ARHGEF10: variants seen among roughly 807,000 people sequenced by gnomAD.
The protein encoded by ARHGEF10 is Rho guanine nucleotide exchange factor 10, also known as Rho guanine nucleotide exchange factor (GEF) 10.
ARHGEF10 carries 140 observed loss-of-function variants against 147.4 expected under a neutral mutation model. That is an observed-to-expected ratio of 0.95 (90% CI 0.83 to 1.09). The LOEUF is 1.09. Ranked by LOEUF, ARHGEF10 falls within the 50% of genes least tolerant of loss-of-function variation. ARHGEF10 has a pLI of 0.00. For synonymous variants in ARHGEF10, 902 were observed against 695.8 expected (o/e 1.30, Z -4.67); for missense variants, 2,222 against 1,752.7 (o/e 1.27, Z -4.78).
intron 10 of ARHGEF10, among the ~76,000 whole-genome samples, chr8:1,884,702 G>C (rs541699222): frequency 4.6e-5 from 7 of 152,272 alleles, no homozygotes; most frequent in African/African-American, 1.4e-4. Flanking sequence ...GTGCTTTTCT[G>C]ATTTCCAGCC....
At chr8:1,905,925 G>A (rs548815235) in intron 17 of ARHGEF10, among the ~76,000 whole-genome samples, 3 of 152,290 alleles carry the variant, frequency 2.0e-5, no homozygotes, top group African/African-American at 4.8e-5. Context: ...GTTAGTAGAA[G>A]TACGTAGAGG....
chr8:1,869,046 GA>G, intron 6 of ARHGEF10, 147 bp from the exon 7 acceptor site: 4 of 732,530 alleles, frequency 5.5e-6, no homozygotes, highest in Non-Finnish European at 4.8e-6. Flanking sequence ...GACAAAGAAC[GA>G]AAAAGTAAAA....
chr8:1,958,029 C>T lies in ARHGEF10; in HGVS notation c.*766C>T, dbSNP rs1178051035. On this transcript the variant is annotated 3_prime_UTR_variant, in exon 29 of 29. Coordinates refer to ENST00000349830, the MANE Select transcript of ARHGEF10 (RefSeq NM_014629.4). ...CAAGCATCAACACCAAATTATTCCT[C>T]CCTTCTCGTATAAATAGAGTGACTA... The T allele has an allele frequency of 2.0e-5, 3 of 152,246 alleles. No individual in the cohort carries two copies. The highest frequency in any genetic ancestry group is 7.2e-5 in the African/African-American group (3 of 41,454). 9.4% of individuals were successfully genotyped at this position (152,246 alleles called of 1,614,324 possible). A position where few individuals can be genotyped will look rare whatever the true frequency, so the allele number is the denominator to read the frequency against.
chr8:1,838,333 C>T (rs1055805067), intron 1 of ARHGEF10, among the ~76,000 whole-genome samples: 3 of 152,248 alleles, frequency 2.0e-5, no homozygotes, highest in African/African-American at 4.8e-5. Flanking sequence ...TTGGGAGATG[C>T]TCCAGCCATG....
intron 7 of ARHGEF10, chr8:1,871,135 T>C (rs1261932385): frequency 2.2e-5 from 2 of 92,156 alleles, no homozygotes; most frequent in Non-Finnish European, 4.7e-5. Flanking sequence ...AAAAAAAAAA[T>C]CAGTAAACCA....
At chr8:1,892,328 T>TGTGTGTGTGTGTGTGTG (rs1563244756) in intron 11 of ARHGEF10, among the ~76,000 whole-genome samples, 2 of 142,340 alleles carry the variant, frequency 1.4e-5, no homozygotes, top group African/African-American at 5.1e-5. Flanking sequence ...TGTGTGTGTG[T>TGTGTGTGTGTGTGTGTG]TTAATCCCAG....
intron 25 of ARHGEF10, among the ~76,000 whole-genome samples, chr8:1,929,864 C>T (rs1812983062): frequency 6.6e-6 from 1 of 152,198 alleles, no homozygotes; most frequent in African/African-American, 2.4e-5. Context: ...CCCTGCTGTT[C>T]TCTTGGCCAC....
rs202083280 is a variant in ARHGEF10 at position 1,933,984 on chromosome 8, T to C, written c.3222+42T>C. 2.1e-4 allele frequency: 340 copies of C among 1,613,822 alleles called. No individual in the cohort carries two copies. In the African/African-American group the frequency reaches 4.3e-3, roughly 20 times the overall value. ...GCTACACGGTGTGGAAAAAATGCAT[T>C]TCAGAAACAGCTCAGCTGACTTCTG... On this transcript the variant is annotated intron_variant, in intron 26 of 28. Coordinates refer to ENST00000349830, the MANE Select transcript of ARHGEF10 (RefSeq NM_014629.4).
At chr8:1,955,645 T>C (rs1205689124) in intron 28 of ARHGEF10, among the ~76,000 whole-genome samples, 3 of 151,938 alleles carry the variant, frequency 2.0e-5, no homozygotes, top group Non-Finnish European at 4.4e-5. Context: ...TGAAAGGAGG[T>C]GCACTCTCAC....
At chr8:1,926,328 C>A (rs200822309) in intron 22 of ARHGEF10, 49 bp from the exon 23 acceptor site, 27 of 1,469,452 alleles carry the variant, frequency 1.8e-5, no homozygotes, top group Non-Finnish European at 2.4e-5. Context: ...AGTCTAGGAG[C>A]CTCTTAGCTC....
chr8:1,945,729 G>A (rs564847396), intron 27 of ARHGEF10, 74 bp downstream of exon 27: 4 of 1,580,816 alleles, frequency 2.5e-6, no homozygotes, highest in Non-Finnish European at 3.5e-6. Flanking sequence ...AGCGCTGTCA[G>A]CCCACCTTAG....
chr8:1,882,289 G>C (rs1318668065), intron 9 of ARHGEF10, among the ~76,000 whole-genome samples: 1 of 152,218 alleles, frequency 6.6e-6, no homozygotes, highest in South Asian at 2.1e-4. Flanking sequence ...AGCGTCTGCA[G>C]TTAGTTGTTT....
At chr8:1,887,967 T>G (rs987846357) in intron 11 of ARHGEF10, among the ~76,000 whole-genome samples, 1 of 144,294 alleles carries the variant, frequency 6.9e-6, no homozygotes, top group Non-Finnish European at 1.5e-5. Flanking sequence ...GATGAGACAC[T>G]GTGAGTGGGG....
At chr8:1,859,277 T>A (rs1805884471) in intron 3 of ARHGEF10, among the ~76,000 whole-genome samples, 1 of 131,350 alleles carries the variant, frequency 7.6e-6, no homozygotes, top group Non-Finnish European at 1.7e-5. Flanking sequence ...CTCTTGGTTG[T>A]TTGCATGGTG....
In ARHGEF10 at chr8:1,957,221, G is replaced by A. The variant is rs757481895; in HGVS notation, c.3993G>A (p.Ala1331=). The change falls in exon 29 of 29, where the codon GCG becomes GCA. Residue 1331 remains alanine, a synonymous_variant. Coordinates refer to ENST00000349830, the MANE Select transcript of ARHGEF10 (RefSeq NM_014629.4). ...GGCAGCCCCACCAGGAAGAGCTGGC[G>A]CCGACCGTCATGGTCTGGCAGATCC... The part of the protein sequence containing the change: ...KARQPHQEEL[A]PTVMVWQIPL... 5.3e-5 allele frequency: 85 copies of A among 1,611,720 alleles called. No individual in the cohort carries two copies. The Admixed American group carries it at 8.3e-4, about 16-fold the overall frequency.
intron 11 of ARHGEF10, among the ~76,000 whole-genome samples, chr8:1,887,716 GTGAGAAGACGCTAGATGGGATGAGGGTTT>G (rs1201370879): frequency 1.3e-5 from 2 of 149,130 alleles, no homozygotes; most frequent in Non-Finnish European, 3.0e-5. Flanking sequence ...ATGAGGGTTT[GTGAGAAGACGCTAGATGGGATGAGGGTTT>G]TGAGGAGACA....
At chr8:1,882,494 CA>C (rs1344324299) in intron 9 of ARHGEF10, 140 bp from the exon 10 acceptor site, 3 of 777,850 alleles carry the variant, frequency 3.9e-6, no homozygotes, top group Middle Eastern at 2.3e-4. Flanking sequence ...AAAACCAAAA[CA>C]AAACCTAGCC....
Position 1,841,847 on chromosome 8 carries a change from GGCCGCGGCGGGAAC to G in ARHGEF10, c.-47-1505_-47-1492del, listed in dbSNP as rs1563161443. Among the ~76,000 whole-genome samples the G allele has an allele frequency of 6.1e-4, 73 of 118,834 alleles. 2 individuals carry two copies. Among genetic ancestry groups the G allele is most frequent in the Middle Eastern group, 4.2e-3 (1 of 236 alleles). The allele number at this position is 118,834 out of a possible 152,430, so 78.0% of individuals were successfully genotyped here. A position where few individuals can be genotyped will look rare whatever the true frequency, so the allele number is the denominator to read the frequency against. ...GAACTGGGGCCGCGACGGGAACTGG[GGCCGCGGCGGGAAC>G]TGGGGCCGCGGCGGGAACTGGGGCC... On this transcript the variant is annotated intron_variant, in intron 1 of 28. Transcript: ENST00000349830.
Position 1,866,569 on chromosome 8 carries a change from G to T in ARHGEF10, c.589G>T (p.Ala197Ser). The part of the protein sequence containing the change: ...GREDSALARW[A>S]ADPANTAWME... ...AGAGGACAGCGCACTTGCCCGCTGG[G>T]CCGCAGACCCGGCCAACACAGCCTG... is the stretch of plus-strand genomic sequence containing the variant. The change falls in exon 6 of 29, where the codon GCC becomes TCC. Residue 197 changes from alanine (A) to serine (S), a missense_variant. Physicochemically the swap from Ala to Ser is moderately conservative, Grantham distance 99. Coordinates refer to ENST00000349830, the MANE Select transcript of ARHGEF10 (RefSeq NM_014629.4). 1 of 1,608,484 alleles carries T rather than the reference G, an allele frequency of 6.2e-7. No individual in the cohort carries two copies.
Sources: allele counts gnomAD v4.1 joint callset (sites outside exome capture counted in the v4.1 genomes callset), GRCh38; gene constraint gnomAD v4.1.1; transcripts MANE v1.5; gene names NCBI Gene and HGNC (gene_info 2026-07-23, HGNC 2026-07-21).